ITPKB: variants seen among roughly 807,000 people sequenced by gnomAD.
ITPKB encodes IP3 3-kinase B.
A neutral mutation model predicts 69.4 loss-of-function variants in ITPKB; 13 were observed. The observed-to-expected ratio is 0.19, with a 90% CI of 0.12 to 0.30. ITPKB has a LOEUF of 0.30. Ranked by LOEUF, ITPKB falls within the 10% of genes least tolerant of loss-of-function variation. The pLI is 1.00. For synonymous variants in ITPKB, 584 were observed against 513.7 expected, an observed-to-expected ratio of 1.14 and a Z score of -1.85; for missense variants, 1,240 against 1,250.5, an observed-to-expected ratio of 0.99 and a Z score of 0.13.
At chr1:226,666,189 C>T (rs1336814768) in intron 2 of ITPKB, among the ~76,000 whole-genome samples, 4 of 152,182 alleles carry the variant, frequency 2.6e-5, no homozygotes, top group African/African-American at 9.7e-5. Context: ...ATGTGGAGAG[C>T]GAGCAGCTGT....
chr1:226,715,260 T>C (rs553395549), intron 2 of ITPKB, among the ~76,000 whole-genome samples: 1 of 152,376 alleles, frequency 6.6e-6, no homozygotes, highest in South Asian at 2.1e-4. Flanking sequence ...GTGAACTCCA[T>C]GGGTAAAGCG....
chr1:226,735,974 A>C lies in ITPKB; in HGVS notation c.1485T>G (p.Pro495=). The part of the protein sequence containing the change: ...AKDLKEPQCP[P]GDRVGVQPGN... ...CAGGCTGCACACCCACCCTGTCCCC[A>C]GGAGGGCACTGAGGTTCTTTCAGAT... Residue 495 remains proline (P), a synonymous_variant, in exon 2 of 8, where the codon CCT becomes CCG. Transcript: ENST00000429204. 1.2e-6 allele frequency: 2 copies of C among 1,613,994 alleles called. 1 individual carries two copies. Among genetic ancestry groups the C allele is most frequent in the South Asian group, 2.2e-5 (2 of 91,084 alleles).
chr1:226,700,417 C>T lies in ITPKB; in HGVS notation c.1932+35110G>A, dbSNP rs570104423. ...CCGGGAGGCGGAGATTGCAGTGAGC[C>T]CAGATCACGCCACGGCACTCCAGCC... is the stretch of plus-strand genomic sequence containing the variant. On this transcript the variant is annotated intron_variant, in intron 2 of 7. Coordinates refer to ENST00000429204, the MANE Select transcript of ITPKB (RefSeq NM_002221.4). Among the ~76,000 whole-genome samples, 6 of 137,494 alleles carry T rather than the reference C, an allele frequency of 4.4e-5. No individual in the cohort carries two copies. In the South Asian group the frequency reaches 1.4e-3, roughly 31 times the overall value. 90.2% of individuals were successfully genotyped at this position (137,494 alleles called of 152,430 possible). A position where few individuals can be genotyped will look rare whatever the true frequency, so the allele number is the denominator to read the frequency against.
At chr1:226,702,955 G>C (rs1412107914) in intron 2 of ITPKB, among the ~76,000 whole-genome samples, 2 of 152,144 alleles carry the variant, frequency 1.3e-5, no homozygotes, top group African/African-American at 4.8e-5. Context: ...ACCCTATCGA[G>C]GGAAAATCTG....
At chr1:226,717,062 A>G (rs561578677) in intron 2 of ITPKB, among the ~76,000 whole-genome samples, 2 of 152,290 alleles carry the variant, frequency 1.3e-5, no homozygotes, top group African/African-American at 2.4e-5. Flanking sequence ...TTCACACACT[A>G]CCGGGTTCAT....
intron 2 of ITPKB, among the ~76,000 whole-genome samples, chr1:226,721,262 C>T (rs1657232806): frequency 1.4e-5 from 2 of 145,430 alleles, no homozygotes; most frequent in African/African-American, 5.1e-5. Flanking sequence ...GCAGGAGAAT[C>T]GCTTGAACCC....
At chr1:226,685,718 A>C (rs1229667183) in intron 2 of ITPKB, among the ~76,000 whole-genome samples, 3 of 152,220 alleles carry the variant, frequency 2.0e-5, no homozygotes, top group African/African-American at 7.2e-5. Context: ...CTGGGCTGGA[A>C]TGTTCAGCAT....
intron 2 of ITPKB, among the ~76,000 whole-genome samples, chr1:226,732,333 T>C (rs1012980406): frequency 3.3e-5 from 5 of 152,186 alleles, no homozygotes; most frequent in African/African-American, 9.6e-5. Context: ...CTACCTCCAG[T>C]GTTCAAGCAA....
chr1:226,711,430 AGAGAGAGAGAGAGTGT>A (rs1656952300), intron 2 of ITPKB, among the ~76,000 whole-genome samples: 1 of 128,644 alleles, frequency 7.8e-6, no homozygotes, highest in Non-Finnish European at 1.7e-5. Context: ...AGAGAGAGAG[AGAGAGAGAGAGAGTGT>A]GTGTGTGTGT....
intron 2 of ITPKB, among the ~76,000 whole-genome samples, chr1:226,669,353 C>T (rs942652546): frequency 4.6e-5 from 7 of 151,382 alleles, no homozygotes; most frequent in African/African-American, 7.3e-5. Flanking sequence ...GCGGAGATCG[C>T]GCCATTGAAT....
At chr1:226,684,814 C>G (rs3768390) in intron 2 of ITPKB, among the ~76,000 whole-genome samples, 36,408 of 152,160 alleles carry the variant, frequency 0.24, 4,629 homozygotes, top group East Asian at 0.34. Context: ...CCAAAGACGT[C>G]CCTAGAGGCA....
chr1:226,726,045 C>T (rs1657401669), intron 2 of ITPKB, among the ~76,000 whole-genome samples: 1 of 152,196 alleles, frequency 6.6e-6, no homozygotes, highest in African/African-American at 2.4e-5. Flanking sequence ...ATTAAAAACT[C>T]ATTTAGGCAG....
At chr1:226,728,439 T>C (rs1369266612) in intron 2 of ITPKB, among the ~76,000 whole-genome samples, 1 of 152,240 alleles carries the variant, frequency 6.6e-6, no homozygotes, top group Non-Finnish European at 1.5e-5. Flanking sequence ...TTGGCTTGCC[T>C]GTGAAATGAT....
At chr1:226,664,154 G>C (rs1257843983) in intron 2 of ITPKB, among the ~76,000 whole-genome samples, 2 of 152,218 alleles carry the variant, frequency 1.3e-5, no homozygotes, top group East Asian at 3.8e-4. Context: ...TACTGAGTTA[G>C]AGGAAATGAA....
At chr1:226,726,867 C>T (rs1475391761) in intron 2 of ITPKB, among the ~76,000 whole-genome samples, 4 of 152,158 alleles carry the variant, frequency 2.6e-5, no homozygotes, top group East Asian at 1.9e-4. Flanking sequence ...ACCAATTTTC[C>T]TACCCTTGGC....
intron 2 of ITPKB, among the ~76,000 whole-genome samples, chr1:226,705,529 C>CAAAA (rs11290798): frequency 4.1e-5 from 5 of 120,506 alleles, no homozygotes; most frequent in African/African-American, 1.6e-4. Context: ...AACGCCATCT[C>CAAAA]AAAAAAAAAA....
chr1:226,728,500 T>C (rs1361448204), intron 2 of ITPKB, among the ~76,000 whole-genome samples: 1 of 152,202 alleles, frequency 6.6e-6, no homozygotes, highest in Non-Finnish European at 1.5e-5. Flanking sequence ...TGCCTTTAAG[T>C]AAGAAACATC....
In ITPKB at chr1:226,737,653, C is replaced by A. The variant is rs922629661; in HGVS notation, c.-195G>T. The A allele has an allele frequency of 1.4e-5, 15 of 1,079,230 alleles. No individual in the cohort carries two copies. The highest frequency in any genetic ancestry group is 1.0e-4 in the Admixed American group (2 of 19,964). 66.9% of individuals were successfully genotyped at this position (1,079,230 alleles called of 1,614,324 possible). On this transcript the variant is annotated 5_prime_UTR_variant, in exon 2 of 8. Coordinates refer to ENST00000429204, the MANE Select transcript of ITPKB (RefSeq NM_002221.4). ...CAGCCCCCGCCCAAAGCTCCATAAA[C>A]AACCGTGCGGCTGTGGAGATACAAG... is the stretch of plus-strand genomic sequence containing the variant.
In ITPKB at chr1:226,736,113, G is replaced by T. The variant is rs749765819; in HGVS notation, c.1346C>A (p.Thr449Lys). The T allele has an allele frequency of 1.3e-6, 2 of 1,599,950 alleles. No homozygotes were observed. The highest frequency in any genetic ancestry group is 1.7e-6 in the Non-Finnish European group (2 of 1,172,262). Residue 449 changes from threonine (T) to lysine (K), a missense_variant, in exon 2 of 8, where the codon ACG becomes AAG. Physicochemically the swap from Thr to Lys is moderately conservative, Grantham distance 78. Transcript: ENST00000429204. ...LSDRVEGGSP[T>K]LGLLGGSPSA... ...GGGGCTGCCCCCAAGCAAGCCCAGC[G>T]TTGGGGACCCTCCCTCCACTCTGTC... is the stretch of plus-strand genomic sequence containing the variant.
Sources: gnomAD v4.1 joint callset for allele counts (sites outside exome capture counted in the v4.1 genomes callset) on GRCh38, gnomAD v4.1.1 for gene constraint, MANE v1.5 for transcripts, NCBI Gene and HGNC (gene_info 2026-07-23, HGNC 2026-07-21) for gene names.